The following EMID1 variants were observed in gnomAD, a reference collection of about 807,000 sequenced individuals.
EMID1 encodes EMI domain-containing protein 1.
EMID1 carries 40 observed loss-of-function variants against 60.6 expected under a neutral mutation model. The ratio of observed to expected loss-of-function variants is 0.66; its 90% CI spans 0.51 to 0.86. The LOEUF (loss-of-function observed/expected upper bound fraction) is 0.86, where lower values mean the gene tolerates loss of function less well. Among genes scored for constraint, EMID1 ranks in the 40% least tolerant of loss-of-function variants. The probability of loss-of-function intolerance (pLI) is 0.00; values close to 1 mark genes in which losing one functional copy is unlikely to be tolerated. For missense variants in EMID1, 585 were observed against 597.1 expected (o/e 0.98, Z 0.21); for synonymous variants, 242 against 231.0 (o/e 1.05, Z -0.43).
intron 4 of EMID1, among the ~76,000 whole-genome samples, 196 bp downstream of exon 4, chr22:29,225,412 A>G (rs557576350): frequency 3.9e-5 from 6 of 152,370 alleles, no homozygotes; most frequent in African/African-American, 1.4e-4. Flanking sequence ...CTAGAGGGTC[A>G]TCTGACCTGG....
At chr22:29,233,701 CTGTCCA>C (rs774432087) in intron 10 of EMID1, 35 bp downstream of exon 10, 1 of 1,600,672 alleles carries the variant, frequency 6.2e-7, no homozygotes, top group Admixed American at 1.7e-5. Flanking sequence ...ACCCATGTGT[CTGTCCA>C]TCTTTCCATC....
At chr22:29,251,538 C>T (rs2041528777) in intron 13 of EMID1, among the ~76,000 whole-genome samples, 1 of 151,552 alleles carries the variant, frequency 6.6e-6, no homozygotes, top group Non-Finnish European at 1.5e-5. Context: ...TGCTCTGTCA[C>T]CCATCGTGGA....
intron 1 of EMID1, among the ~76,000 whole-genome samples, chr22:29,213,794 C>T (rs2039981026): frequency 6.6e-6 from 1 of 152,172 alleles, no homozygotes. Flanking sequence ...AGCAGGTTCC[C>T]AGGCCGGGGC....
intron 13 of EMID1, among the ~76,000 whole-genome samples, chr22:29,248,094 A>C (rs2041392757): frequency 6.6e-6 from 1 of 151,206 alleles, no homozygotes; most frequent in Non-Finnish European, 1.5e-5. Flanking sequence ...CTGGGACTAC[A>C]GGTGAACGCC....
rs755498438 is a variant in EMID1, at chr22:29,232,320, ACCTCCTGGGCCACCAGGG to A, written c.750_767del (p.Gly256_Pro261del). On this transcript the variant is annotated inframe_deletion, in exon 8 of 15. Coordinates refer to ENST00000334018, the MANE Select transcript of EMID1 (RefSeq NM_133455.4). ...CTGTGGGCACCCCTGGAGAGAGGGG[ACCTCCTGGGCCACCAGGG>A]CCTCCTGGCCCCCCTGGGCCCCCAG... 6.9e-5 allele frequency: 111 copies of A among 1,609,996 alleles called. 1 individual carries two copies. The highest frequency in any genetic ancestry group is 1.7e-5 in the Non-Finnish European group (20 of 1,179,260).
Position 29,259,090 on chromosome 22 carries a change from C to T in EMID1, c.*146C>T. On this transcript the variant is annotated 3_prime_UTR_variant, in exon 15 of 15. Coordinates refer to ENST00000334018, the MANE Select transcript of EMID1 (RefSeq NM_133455.4). Reference sequence around the variant, plus strand: ...CTAGGCCTTAGGGGTAAGCAGGTCTCAGTCCTGGCACCATGCACATGTCTG... The same window carrying T: ...CTAGGCCTTAGGGGTAAGCAGGTCTTAGTCCTGGCACCATGCACATGTCTG... The T allele has an allele frequency of 8.0e-7, 1 of 1,251,248 alleles. No homozygotes were observed. The highest frequency in any genetic ancestry group is 1.1e-6 in the Non-Finnish European group (1 of 917,510). The allele number at this position is 1,251,248 out of a possible 1,614,324, so 77.5% of individuals were successfully genotyped here. A position where few individuals can be genotyped will look rare whatever the true frequency, so the allele number is the denominator to read the frequency against.
chr22:29,250,905 T>C (rs1378173442), intron 13 of EMID1, among the ~76,000 whole-genome samples: 1 of 150,186 alleles, frequency 6.7e-6, no homozygotes, highest in Admixed American at 6.7e-5. Context: ...TGGAATTTTT[T>C]AAGATCATCT....
rs1177080296 is a variant in EMID1 at position 29,233,696 on chromosome 22, T to G, written c.966+30T>G. On this transcript the variant is annotated intron_variant, in intron 10 of 14. Transcript: ENST00000334018. ...GTAGTTCTCCTTGTACTCTCACCCA[T>G]GTGTCTGTCCATCTTTCCATCTATG... 3.7e-6 allele frequency: 6 copies of G among 1,605,900 alleles called. No homozygotes were observed. In the African/African-American group the frequency reaches 6.7e-5, roughly 18 times the overall value.
At chr22:29,250,115 G>A (rs1048739364) in intron 13 of EMID1, among the ~76,000 whole-genome samples, 2 of 152,200 alleles carry the variant, frequency 1.3e-5, no homozygotes, top group Non-Finnish European at 2.9e-5. Flanking sequence ...AATTAGCTGG[G>A]TGTGGTGGTG....
chr22:29,221,224 C>G (rs1418023635), intron 3 of EMID1, among the ~76,000 whole-genome samples: 1 of 145,064 alleles, frequency 6.9e-6, no homozygotes, highest in Non-Finnish European at 1.5e-5. Flanking sequence ...TTCAGGGCCC[C>G]CCTGAGAGGA....
intron 8 of EMID1, chr22:29,232,660 G>T (rs2040796706): frequency 4.3e-6 from 2 of 462,636 alleles, no homozygotes; most frequent in Non-Finnish European, 7.6e-6. Flanking sequence ...GCTGCCTCCA[G>T]AACCTGTGCT....
chr22:29,232,223 G>A, intron 7 of EMID1, 33 bp from the exon 8 acceptor site: 2 of 1,611,284 alleles, frequency 1.2e-6, no homozygotes, highest in Non-Finnish European at 1.7e-6. Flanking sequence ...CTTGCCTCCT[G>A]TATACCCACA....
At position 29,214,951 on chromosome 22, in the gene EMID1, C is replaced by T. The variant is rs1208797151; in HGVS notation, c.127C>T (p.Arg43Cys). ...RRNWCSYVVT[R>C]TISCHVQNGT... Reference sequence around the variant, plus strand: ...GAACTGGTGCTCCTATGTGGTGACCCGCACCATCTCATGCCATGTGCAGAA... The same window carrying T: ...GAACTGGTGCTCCTATGTGGTGACCTGCACCATCTCATGCCATGTGCAGAA... The change falls in exon 2 of 15, where the codon CGC becomes TGC. Residue 43 changes from arginine (R) to cysteine (C), a missense_variant. Arg to Cys is a radical substitution (Grantham distance 180). Transcript: ENST00000334018. 7.1e-6 allele frequency: 11 copies of T among 1,545,786 alleles called. No homozygotes were observed. The highest frequency in any genetic ancestry group is 2.7e-5 in the African/African-American group (2 of 73,250).
At chr22:29,254,332 G>A (rs762294409) in intron 14 of EMID1, 45 bp downstream of exon 14, 1 of 1,584,516 alleles carries the variant, frequency 6.3e-7, no homozygotes, top group Admixed American at 1.7e-5. Flanking sequence ...GCCCCTGCCT[G>A]CCAGCCTTCC....
At chr22:29,209,233 G>A (rs1164042992) in intron 1 of EMID1, among the ~76,000 whole-genome samples, 1 of 152,164 alleles carries the variant, frequency 6.6e-6, no homozygotes, top group Non-Finnish European at 1.5e-5. Context: ...TGTAGGTGGG[G>A]GGCCTTTGTG....
chr22:29,230,261 A>T (rs1371309653), intron 5 of EMID1, among the ~76,000 whole-genome samples: 6 of 151,748 alleles, frequency 4.0e-5, no homozygotes, highest in Non-Finnish European at 8.8e-5. Context: ...TGAACCCGGG[A>T]GGCGGAGGTT....
At chr22:29,208,628 G>A (rs1187654906) in intron 1 of EMID1, among the ~76,000 whole-genome samples, 1 of 152,224 alleles carries the variant, frequency 6.6e-6, no homozygotes, top group Non-Finnish European at 1.5e-5. Context: ...CTAGGGGGCT[G>A]CAATCCCAGC....
At chr22:29,245,945 G>C (rs1216260019) in intron 13 of EMID1, among the ~76,000 whole-genome samples, 1 of 152,192 alleles carries the variant, frequency 6.6e-6, no homozygotes, top group African/African-American at 2.4e-5. Flanking sequence ...CTGGAGCTGG[G>C]CACTGTTTAC....
In EMID1 at chr22:29,259,089, T is replaced by C; in HGVS notation, c.*145T>C. On this transcript the variant is annotated 3_prime_UTR_variant, in exon 15 of 15. Coordinates refer to ENST00000334018, the MANE Select transcript of EMID1 (RefSeq NM_133455.4). ...TCTAGGCCTTAGGGGTAAGCAGGTC[T>C]CAGTCCTGGCACCATGCACATGTCT... 7.8e-7 allele frequency: 1 copy of C among 1,278,042 alleles called. No individual in the cohort carries two copies. The highest frequency in any genetic ancestry group is 1.4e-5 in the South Asian group (1 of 69,888). 79.2% of individuals were successfully genotyped at this position (1,278,042 alleles called of 1,614,324 possible).
Sources: allele counts gnomAD v4.1 joint callset (sites outside exome capture counted in the v4.1 genomes callset), GRCh38; gene constraint gnomAD v4.1.1; transcripts MANE v1.5; gene names NCBI Gene and HGNC (gene_info 2026-07-23, HGNC 2026-07-21).